TSFM: variants seen among roughly 807,000 people sequenced by gnomAD.
TSFM encodes the protein elongation factor Ts, mitochondrial.
TSFM carries 29 observed loss-of-function variants against 33.4 expected under a neutral mutation model. The observed-to-expected ratio is 0.87, with a 90% CI of 0.65 to 1.18. The LOEUF is 1.18. Among genes scored for constraint, TSFM ranks in the 50% most tolerant of loss-of-function variants. TSFM has a pLI of 0.00. For missense variants in TSFM, 394 were observed against 395.6 expected, an observed-to-expected ratio of 1.00 and a Z score of 0.04; for synonymous variants, 178 against 163.5, an observed-to-expected ratio of 1.09 and a Z score of -0.68.
intron 5 of TSFM, among the ~76,000 whole-genome samples, chr12:57,795,072 CATATATATATATATATGT>C (rs1394377711): frequency 3.8e-4 from 52 of 135,154 alleles, no homozygotes; most frequent in Middle Eastern, 0.011. Context: ...GTTAATGCTC[CATATATATATATATATGT>C]ATATATATAT....
intron 5 of TSFM, among the ~76,000 whole-genome samples, chr12:57,793,321 A>G (rs926335901): frequency 1.3e-5 from 2 of 151,782 alleles, no homozygotes; most frequent in African/African-American, 2.4e-5. Context: ...TCCGCCTCCC[A>G]GGTTCCTGCC....
chr12:57,786,168 G>C lies in TSFM; in HGVS notation c.237G>C (p.Glu79Asp). Residue 79 changes from glutamate to aspartate, a missense_variant, in exon 3 of 6, where the codon GAG (glutamate) becomes GAC (aspartate). By Grantham distance (45) the Glu-to-Asp change is conservative. Around this residue, in one of 3 missense-constraint regions of TSFM, gnomAD observed 208 missense variants for 180.4 expected, o/e 1.15. Transcript: ENST00000652027. ...TTTTTCCTCTCAATTTACAGGCAGAGATCTGGCTCCACAAGGAGGCCCAGA... is the reference window on the plus strand; with the variant it reads ...TTTTTCCTCTCAATTTACAGGCAGACATCTGGCTCCACAAGGAGGCCCAGA... ...ETCGGDLKQA[E>D]IWLHKEAQKE... 1 of 1,605,076 alleles carries C rather than the reference G, an allele frequency of 6.2e-7. No homozygotes were observed.
chr12:57,783,407 G>C (rs1955541406), intron 2 of TSFM, 124 bp downstream of exon 2: 1 of 1,234,626 alleles, frequency 8.1e-7, no homozygotes, highest in African/African-American at 1.5e-5. Context: ...GTCCTAAGTG[G>C]AAATCTGGCT....
At chr12:57,796,154 G>GT (rs769472292) in intron 5 of TSFM, 23 bp from the exon 6 acceptor site, 18 of 1,552,856 alleles carry the variant, frequency 1.2e-5, no homozygotes, top group Non-Finnish European at 8.7e-6. Context: ...TGGTGTGTTG[G>GT]TTTTTTGTTT....
In TSFM at chr12:57,792,842, T is replaced by A. The variant is rs1376114049; in HGVS notation, c.484-144T>A. ...CCTGACCTCAGGTGATCCACCCACC[T>A]TGGCTTCCCAAAGTGTTGGGATTAC... On this transcript the variant is annotated intron_variant, in intron 4 of 5. Coordinates refer to ENST00000652027, the MANE Select transcript of TSFM (RefSeq NM_005726.6). 10 of 659,550 alleles carry A rather than the reference T, an allele frequency of 1.5e-5. No homozygotes were observed. In the Admixed American group the frequency reaches 3.2e-4, roughly 21 times the overall value. The allele number at this position is 659,550 out of a possible 1,614,324, so 40.9% of individuals were successfully genotyped here. A position where few individuals can be genotyped will look rare whatever the true frequency, so the allele number is the denominator to read the frequency against.
chr12:57,796,240 A>C lies in TSFM; in HGVS notation c.635A>C (p.Tyr212Ser), dbSNP rs544754758. 4 of 1,613,550 alleles carry C rather than the reference A, an allele frequency of 2.5e-6. No homozygotes were observed. The Admixed American group carries it at 6.7e-5, about 27-fold the overall frequency. Residue 212 changes from tyrosine (Y) to serine (S), a missense_variant, in exon 6 of 6, where the codon TAC becomes TCC. Coordinates refer to ENST00000652027, the MANE Select transcript of TSFM (RefSeq NM_005726.6). The stretch of plus-strand genomic sequence containing the variant: ...TGGGTGAAGGTGCCATCTGGGTTCT[A>C]CGTTGGCTCTTATGTCCACGGAGCA... The part of the protein sequence containing the change: ...AAWVKVPSGF[Y>S]VGSYVHGAMQ...
Position 57,796,964 on chromosome 12 carries a change from C to T in TSFM, c.*381C>T, listed in dbSNP as rs528226687. ...GACACTGTGAACCGTGCTTCTGCCTCGGAACCTCCCTAGTTATATTACTTG... is the reference window on the plus strand; with the variant it reads ...GACACTGTGAACCGTGCTTCTGCCTTGGAACCTCCCTAGTTATATTACTTG... On this transcript the variant is annotated 3_prime_UTR_variant, in exon 6 of 6. Transcript: ENST00000652027. The T allele has an allele frequency of 8.7e-5, 86 of 988,076 alleles. No homozygotes were observed. The highest frequency in any genetic ancestry group is 5.1e-4 in the Middle Eastern group (1 of 1,948). 61.2% of individuals were successfully genotyped at this position (988,076 alleles called of 1,614,324 possible). A position where few individuals can be genotyped will look rare whatever the true frequency, so the allele number is the denominator to read the frequency against.
intron 4 of TSFM, among the ~76,000 whole-genome samples, chr12:57,788,529 C>T (rs56177740): frequency 0.27 from 40,542 of 152,044 alleles, 6,791 homozygotes; most frequent in East Asian, 0.65. Context: ...CGCCCGCCTC[C>T]GCCTCCCAAA....
chr12:57,796,577 T>A lies in TSFM; in HGVS notation c.972T>A (p.Thr324=), dbSNP rs1476177948. Residue 324 remains threonine (T), a synonymous_variant, in exon 6 of 6, where the codon ACT becomes ACA. Coordinates refer to ENST00000652027, the MANE Select transcript of TSFM (RefSeq NM_005726.6). ...ECGEGEEAAE[T]E The stretch of plus-strand genomic sequence containing the variant: ...GAGAAGGTGAAGAGGCAGCAGAAAC[T>A]GAATAGGTTCCAGAGACTTTTGGCC... The A allele has an allele frequency of 1.8e-5, 25 of 1,415,824 alleles. No individual in the cohort carries two copies. The highest frequency in any genetic ancestry group is 2.2e-5 in the Non-Finnish European group (24 of 1,077,952). The allele number at this position is 1,415,824 out of a possible 1,614,324, so 87.7% of individuals were successfully genotyped here. A position where few individuals can be genotyped will look rare whatever the true frequency, so the allele number is the denominator to read the frequency against.
chr12:57,796,499 G>A lies in TSFM; in HGVS notation c.894G>A (p.Gln298=), dbSNP rs2140429314. Residue 298 remains glutamine, a synonymous_variant, in exon 6 of 6, where the codon CAG becomes CAA. Coordinates refer to ENST00000652027, the MANE Select transcript of TSFM (RefSeq NM_005726.6). ...YLLDPSITLG[Q]YVQPQGVSVV... is the part of the protein sequence containing the mutation. ...TGGATCCCTCCATTACCTTGGGGCAGTATGTGCAGCCTCAGGGGGTGTCGG... is the reference window on the plus strand; with the variant it reads ...TGGATCCCTCCATTACCTTGGGGCAATATGTGCAGCCTCAGGGGGTGTCGG... 6.4e-7 allele frequency: 1 copy of A among 1,555,916 alleles called. No individual in the cohort carries two copies. The highest frequency in any genetic ancestry group is 8.7e-7 in the Non-Finnish European group (1 of 1,149,308).
At chr12:57,791,933 T>C (rs1334828805) in intron 4 of TSFM, 2 of 379,574 alleles carry the variant, frequency 5.3e-6, no homozygotes, top group African/African-American at 2.1e-5. Flanking sequence ...TCTAACATTT[T>C]ATGATTTTAT....
chr12:57,784,283 T>C, intron 2 of TSFM: 3 of 608,646 alleles, frequency 4.9e-6, no homozygotes, highest in Non-Finnish European at 8.8e-6. Flanking sequence ...GGACTGGAAG[T>C]TGCTCTGGGT....
At chr12:57,785,533 T>C (rs1251380913) in intron 2 of TSFM, among the ~76,000 whole-genome samples, 1 of 152,158 alleles carries the variant, frequency 6.6e-6, no homozygotes, top group African/African-American at 2.4e-5. Context: ...AGTGGCGCGA[T>C]AGATCTTGGT....
At chr12:57,797,854 C>A, downstream of TSFM, 2 of 1,509,436 alleles carry the variant, frequency 1.3e-6, no homozygotes, top group South Asian at 1.3e-5. Context: ...TTTTCTGTGG[C>A]CTTGCAATAG....
chr12:57,788,650 T>C (rs963487047), intron 4 of TSFM, among the ~76,000 whole-genome samples: 43 of 152,180 alleles, frequency 2.8e-4, no homozygotes, highest in African/African-American at 8.4e-4. Context: ...CTTTTTTTCT[T>C]TAAGAGACAG....
chr12:57,798,607 ATTCTT>A (rs1039315411), downstream of TSFM, among the ~76,000 whole-genome samples: 5 of 151,176 alleles, frequency 3.3e-5, no homozygotes, highest in East Asian at 1.9e-4. Context: ...AAAGAAATTT[ATTCTT>A]TTCTTTTCTT....
downstream of TSFM, among the ~76,000 whole-genome samples, chr12:57,799,023 T>A (rs906011473): frequency 6.6e-6 from 1 of 152,160 alleles, no homozygotes; most frequent in Admixed American, 6.5e-5. Context: ...GAGAATATGA[T>A]GGTGAGCAAG....
chr12:57,791,969 A>G (rs1355553477), intron 4 of TSFM: 1 of 376,704 alleles, frequency 2.7e-6, no homozygotes, highest in East Asian at 9.9e-5. Flanking sequence ...GGCCAGGTGC[A>G]GTGGCTCACG....
intron 4 of TSFM, among the ~76,000 whole-genome samples, chr12:57,787,804 G>A (rs992201478): frequency 1.3e-5 from 2 of 152,126 alleles, no homozygotes; most frequent in African/African-American, 4.8e-5. Context: ...GCGCTTGCCT[G>A]TAATCCCAGC....
Sources: allele counts gnomAD v4.1 joint callset (sites outside exome capture counted in the v4.1 genomes callset), GRCh38; gene constraint gnomAD v4.1.1; regional missense constraint gnomAD v4.1.1; transcripts MANE v1.5; gene names NCBI Gene and HGNC (gene_info 2026-07-23, HGNC 2026-07-21).